The following SIN3A variants were observed in gnomAD, a reference collection of about 807,000 sequenced individuals.
SIN3A encodes paired amphipathic helix protein Sin3a.
A neutral mutation model predicts 146.1 loss-of-function variants in SIN3A; 14 were observed. The observed-to-expected ratio is 0.10, with a 90% CI of 0.06 to 0.15. The LOEUF is 0.15. Ranked by LOEUF, SIN3A falls within the 10% of genes least tolerant of loss-of-function variation. The pLI, the probability that SIN3A is intolerant of heterozygous loss-of-function variation, is 1.00. For synonymous variants in SIN3A, 572 were observed against 572.0 expected (o/e 1.00, Z 0.00); for missense variants, 1,028 against 1,576.0 (o/e 0.65, Z 5.89).
At chr15:75,428,483 T>A (rs2073963146) in intron 2 of SIN3A, among the ~76,000 whole-genome samples, 1 of 151,976 alleles carries the variant, frequency 6.6e-6, no homozygotes, top group Admixed American at 6.6e-5. Context: ...CTGGCTAATT[T>A]TTTATTTATT....
intron 19 of SIN3A, among the ~76,000 whole-genome samples, chr15:75,378,000 T>C (rs1217387791): frequency 1.3e-5 from 2 of 152,252 alleles, no homozygotes; most frequent in Non-Finnish European, 2.9e-5. Flanking sequence ...TCAGCCACCC[T>C]GAGCTTGACA....
intron 1 of SIN3A, among the ~76,000 whole-genome samples, chr15:75,437,832 G>C (rs776863643): frequency 3.3e-5 from 5 of 152,136 alleles, no homozygotes; most frequent in Non-Finnish European, 5.9e-5. Flanking sequence ...AAACTATGGA[G>C]AGAAGACTAA....
Position 75,405,707 on chromosome 15 carries a change from C to T in SIN3A, c.1407+1348G>A, listed in dbSNP as rs746329527. On this transcript the variant is annotated intron_variant, in intron 9 of 20. Coordinates refer to ENST00000394947, the MANE Select transcript of SIN3A (RefSeq NM_001145358.2). ...CGGAGGTTGCAGTGAGCCAAGATTG[C>T]GCCATTGCACTCCAAGCTGGGCAAC... Among the ~76,000 whole-genome samples the T allele has an allele frequency of 3.6e-4, 55 of 152,148 alleles. 1 individual carries two copies. The highest frequency in any genetic ancestry group is 1.2e-3 in the African/African-American group (50 of 41,494).
At chr15:75,411,365 T>C in intron 6 of SIN3A, 127 bp downstream of exon 6, 2 of 1,042,140 alleles carry the variant, frequency 1.9e-6, no homozygotes, top group East Asian at 4.9e-5. Context: ...TTTAAAAACA[T>C]GCATGATAGT....
intron 1 of SIN3A, among the ~76,000 whole-genome samples, chr15:75,436,760 G>A (rs572623126): frequency 4.0e-5 from 6 of 150,820 alleles, no homozygotes; most frequent in African/African-American, 1.2e-4. Context: ...CTGAGGATTA[G>A]GAAAAAAAAA....
chr15:75,434,356 A>G (rs1220003267), intron 1 of SIN3A, among the ~76,000 whole-genome samples: 2 of 152,104 alleles, frequency 1.3e-5, no homozygotes, highest in African/African-American at 4.8e-5. Context: ...GTAATAAAAA[A>G]CGTGTAAAGT....
intron 8 of SIN3A, 101 bp from the exon 9 acceptor site, chr15:75,407,245 A>G (rs2073532868): frequency 7.1e-6 from 5 of 699,302 alleles, no homozygotes; most frequent in South Asian, 3.9e-5. Context: ...ACCACTGCTG[A>G]TTAATAATTT....
At chr15:75,394,363 G>A (rs1184750118) in intron 14 of SIN3A, among the ~76,000 whole-genome samples, 1 of 152,210 alleles carries the variant, frequency 6.6e-6, no homozygotes, top group Non-Finnish European at 1.5e-5. Context: ...TAAGTAAGGA[G>A]AGATGGGACT....
chr15:75,452,602 C>G (rs1456091098), upstream of SIN3A, among the ~76,000 whole-genome samples: 1 of 152,242 alleles, frequency 6.6e-6, no homozygotes. Flanking sequence ...GAGAAGTAAA[C>G]TCCCTAGAGC....
chr15:75,425,914 G>A (rs1054055157), intron 2 of SIN3A, among the ~76,000 whole-genome samples: 3 of 152,110 alleles, frequency 2.0e-5, no homozygotes, highest in Non-Finnish European at 2.9e-5. Flanking sequence ...GGGAGAGGGA[G>A]AAACCAAGCA....
intron 1 of SIN3A, among the ~76,000 whole-genome samples, chr15:75,442,241 T>C (rs1304713062): frequency 6.7e-6 from 1 of 149,948 alleles, no homozygotes; most frequent in African/African-American, 2.4e-5. Flanking sequence ...ACTTACAAAC[T>C]GCATCAACTA....
chr15:75,380,824 T>C, intron 18 of SIN3A, 101 bp from the exon 19 acceptor site: 1 of 783,088 alleles, frequency 1.3e-6, no homozygotes, highest in Non-Finnish European at 2.2e-6. Context: ...TGCCCCGAAT[T>C]CATAAATTTC....
chr15:75,390,383 G>T (rs1379454213), intron 15 of SIN3A, among the ~76,000 whole-genome samples: 1 of 152,176 alleles, frequency 6.6e-6, no homozygotes, highest in Non-Finnish European at 1.5e-5. Context: ...GTTTAAAAAT[G>T]GATTCGCTAC....
upstream of SIN3A, chr15:75,453,634 A>G (rs2074443400): frequency 6.6e-6 from 1 of 152,318 alleles, no homozygotes; most frequent in Admixed American, 6.5e-5. Flanking sequence ...GATACAGCCA[A>G]CTAAGGACAG....
intron 3 of SIN3A, chr15:75,419,128 G>A (rs1420149105): frequency 6.6e-6 from 1 of 152,128 alleles, no homozygotes; most frequent in Non-Finnish European, 1.5e-5. Context: ...TTTCGGTGTT[G>A]CTAGAAATCA....
At chr15:75,380,995 C>A (rs1031649362) in intron 18 of SIN3A, 1 of 271,964 alleles carries the variant, frequency 3.7e-6, no homozygotes, top group Non-Finnish European at 7.1e-6. Context: ...AGTTTCATTT[C>A]CCCACAGAGC....
At chr15:75,435,640 G>A (rs1483001072) in intron 1 of SIN3A, among the ~76,000 whole-genome samples, 5 of 151,172 alleles carry the variant, frequency 3.3e-5, no homozygotes, top group African/African-American at 1.2e-4. Flanking sequence ...AGAGGTTGAG[G>A]TGAGCCAAGA....
chr15:75,450,331 C>T (rs1238399850), intron 1 of SIN3A, among the ~76,000 whole-genome samples: 3 of 152,142 alleles, frequency 2.0e-5, no homozygotes, highest in Admixed American at 6.5e-5. Flanking sequence ...CCTAACGCAC[C>T]GAAACAGACG....
At chr15:75,445,380 CAAAAAA>C (rs10539996) in intron 1 of SIN3A, among the ~76,000 whole-genome samples, 4 of 63,606 alleles carry the variant, frequency 6.3e-5, no homozygotes, top group African/African-American at 1.4e-4. Context: ...GACACTGTCT[CAAAAAA>C]AAAAAAAAAA....
Sources: allele counts gnomAD v4.1 joint callset (sites outside exome capture counted in the v4.1 genomes callset), GRCh38; gene constraint gnomAD v4.1.1; transcripts MANE v1.5; gene names NCBI Gene and HGNC (gene_info 2026-07-23, HGNC 2026-07-21).